The following MSI2 variants were observed in gnomAD, a reference collection of about 807,000 sequenced individuals.
The protein encoded by MSI2 is RNA-binding protein Musashi homolog 2.
A neutral mutation model predicts 45.6 loss-of-function variants in MSI2; 17 were observed. That is an observed-to-expected ratio of 0.37 (90% CI 0.26 to 0.56). The LOEUF (loss-of-function observed/expected upper bound fraction) is 0.56, where lower values mean the gene tolerates loss of function less well. Among genes scored for constraint, MSI2 ranks in the 20% least tolerant of loss-of-function variants. The probability of loss-of-function intolerance (pLI) is 0.77; values close to 1 mark genes in which losing one functional copy is unlikely to be tolerated. For synonymous variants in MSI2, 156 were observed against 158.2 expected, an observed-to-expected ratio of 0.99 and a Z score of 0.11; for missense variants, 293 against 444.2, an observed-to-expected ratio of 0.66 and a Z score of 3.06.
At chr17:57,676,224 TCACA>T (rs1011239957) in intron 12 of MSI2, among the ~76,000 whole-genome samples, 1 of 151,922 alleles carries the variant, frequency 6.6e-6, no homozygotes, top group African/African-American at 2.4e-5. Context: ...ATACACACAC[TCACA>T]CGCACGCATG....
intron 5 of MSI2, among the ~76,000 whole-genome samples, chr17:57,389,221 C>T (rs912702727): frequency 6.6e-6 from 1 of 152,140 alleles, no homozygotes; most frequent in Non-Finnish European, 1.5e-5. Flanking sequence ...TCATGATCCG[C>T]CTGCCTCGGC....
At chr17:57,304,854 T>C (rs531338156) in intron 5 of MSI2, among the ~76,000 whole-genome samples, 1 of 152,170 alleles carries the variant, frequency 6.6e-6, no homozygotes, top group Admixed American at 6.5e-5. Context: ...CTAAGAAAAA[T>C]CCCCTTAGAA....
At chr17:57,361,529 C>G (rs1173593140) in intron 5 of MSI2, among the ~76,000 whole-genome samples, 2 of 151,168 alleles carry the variant, frequency 1.3e-5, no homozygotes, top group African/African-American at 2.4e-5. Context: ...ATGACTTGAA[C>G]CCAGGATGCA....
Position 57,256,728 on chromosome 17 carries a change from CG to C in MSI2, c.-8del, listed in dbSNP as rs1279902755. The C allele has an allele frequency of 4.2e-5, 48 of 1,142,966 alleles. No individual in the cohort carries two copies. Among genetic ancestry groups the C allele is most frequent in the East Asian group, 3.5e-4 (10 of 28,500 alleles). 70.8% of individuals were successfully genotyped at this position (1,142,966 alleles called of 1,614,324 possible). The stretch of plus-strand genomic sequence containing the variant: ...GCTTGGTTTTTTGGGGGTGGGGGGG[CG>C]GGGGGGCTCAGATATGGAGGCAAAT... On this transcript the variant is annotated 5_prime_UTR_variant, in exon 1 of 14. Transcript: ENST00000284073.
chr17:57,627,260 T>C lies in MSI2; in HGVS notation c.684T>C (p.Arg228=). ...CCAACTTCGTGGCGACCTATGGCCGTGGCTACCCCGGATTTGCTCCAAGCT... is the reference window on the plus strand; with the variant it reads ...CCAACTTCGTGGCGACCTATGGCCGCGGCTACCCCGGATTTGCTCCAAGCT... ...GYPNFVATYG[R]GYPGFAPSYG... Residue 228 remains arginine (R), a synonymous_variant, in exon 10 of 14, where the codon CGT becomes CGC. Transcript: ENST00000284073. This position sits in a 1 kb window ranked among gnomAD's most constrained non-coding sequence, Gnocchi z 4.6. The C allele has an allele frequency of 6.2e-7, 1 of 1,614,216 alleles. No individual in the cohort carries two copies. The highest frequency in any genetic ancestry group is 8.5e-7 in the Non-Finnish European group (1 of 1,180,030).
upstream of MSI2, among the ~76,000 whole-genome samples, chr17:57,256,208 C>T (rs189218791): frequency 0.017 from 2,649 of 152,112 alleles, 70 homozygotes; most frequent in African/African-American, 0.06. Flanking sequence ...ACCCGCCCCC[C>T]GCAGCCCATG....
chr17:57,356,212 G>T (rs1354993824), intron 5 of MSI2, among the ~76,000 whole-genome samples: 2 of 152,084 alleles, frequency 1.3e-5, no homozygotes, highest in Non-Finnish European at 2.9e-5. Context: ...AGAGAGTGAC[G>T]GGGAAAGAAA....
chr17:57,442,296 A>G lies in MSI2; in HGVS notation c.405+40825A>G, dbSNP rs141365205. Among the ~76,000 whole-genome samples the G allele has an allele frequency of 5.8e-3, 883 of 152,232 alleles. 11 individuals carry two copies. The highest frequency in any genetic ancestry group is 0.027 in the East Asian group (139 of 5,178). On this transcript the variant is annotated intron_variant, in intron 6 of 13. Coordinates refer to ENST00000284073, the MANE Select transcript of MSI2 (RefSeq NM_138962.4). ...GTGATCTGCCCGCCTCAGCCTCCCA[A>G]AGTGCTGGGATTACAGGCGTGAGCC...
At chr17:57,261,314 T>G (rs960214951) in intron 4 of MSI2, among the ~76,000 whole-genome samples, 1 of 152,070 alleles carries the variant, frequency 6.6e-6, no homozygotes, top group African/African-American at 2.4e-5. Flanking sequence ...GGGAATTCCC[T>G]ACTTGTTGCA....
downstream of MSI2, among the ~76,000 whole-genome samples, chr17:57,687,351 CA>C (rs1392249697): frequency 1.8e-4 from 28 of 151,626 alleles, no homozygotes; most frequent in South Asian, 6.2e-4. Context: ...GAATAGAAAA[CA>C]TAAGTCCAAA....
chr17:57,675,838 T>C (rs1485859150), intron 12 of MSI2, among the ~76,000 whole-genome samples: 1 of 152,266 alleles, frequency 6.6e-6, no homozygotes, highest in African/African-American at 2.4e-5. Context: ...GGTTCTATAA[T>C]CTGACTAATC....
At chr17:57,570,229 A>C (rs2087841916) in intron 7 of MSI2, among the ~76,000 whole-genome samples, 1 of 152,214 alleles carries the variant, frequency 6.6e-6, no homozygotes, top group African/African-American at 2.4e-5. Flanking sequence ...ACCAACTCCC[A>C]GGCCCCACCT....
intron 6 of MSI2, chr17:57,522,424 G>A (rs940833451): frequency 3.3e-5 from 5 of 152,086 alleles, no homozygotes; most frequent in African/African-American, 1.2e-4. Context: ...GCCGTTTCCT[G>A]CTTTGTTCTT....
intron 10 of MSI2, chr17:57,633,233 C>T (rs1437548319): frequency 5.1e-6 from 5 of 977,378 alleles, no homozygotes; most frequent in East Asian, 7.1e-5. Flanking sequence ...GTTCTCGCTC[C>T]GGGGGAGGTG....
At chr17:57,338,352 A>C (rs1216470458) in intron 5 of MSI2, among the ~76,000 whole-genome samples, 1 of 152,086 alleles carries the variant, frequency 6.6e-6, no homozygotes, top group African/African-American at 2.4e-5. Flanking sequence ...GGCCCCCCGA[A>C]GTGCTGGGAT....
intron 7 of MSI2, among the ~76,000 whole-genome samples, chr17:57,594,674 G>C (rs1905116384): frequency 6.6e-6 from 1 of 152,190 alleles, no homozygotes; most frequent in African/African-American, 2.4e-5. Context: ...ACCTGGTTTA[G>C]GGGGTAGGGG....
At chr17:57,362,650 A>G (rs190712724) in intron 5 of MSI2, among the ~76,000 whole-genome samples, 3 of 152,052 alleles carry the variant, frequency 2.0e-5, no homozygotes, top group South Asian at 2.1e-4. Flanking sequence ...TCTAGGGGGG[A>G]AAAAAGTGCC....
chr17:57,625,279 C>T (rs903862665), intron 9 of MSI2, among the ~76,000 whole-genome samples: 1 of 152,198 alleles, frequency 6.6e-6, no homozygotes, highest in African/African-American at 2.4e-5. Flanking sequence ...ACTTCAGACC[C>T]GTGAGTTTCT....
chr17:57,476,883 TC>T (rs1390583480), intron 6 of MSI2, among the ~76,000 whole-genome samples: 1 of 152,118 alleles, frequency 6.6e-6, no homozygotes, highest in African/African-American at 2.4e-5. Context: ...CTCCTCCCAG[TC>T]CCCATGCCCC....
Sources: allele counts gnomAD v4.1 joint callset (sites outside exome capture counted in the v4.1 genomes callset), GRCh38; gene constraint gnomAD v4.1.1; non-coding constraint Gnocchi (gnomAD v3.1); transcripts MANE v1.5; gene names NCBI Gene and HGNC (gene_info 2026-07-23, HGNC 2026-07-21).